Variants in PRKCH observed in about 807,000 individuals in gnomAD.
PRKCH encodes protein kinase C eta type.
A neutral mutation model predicts 82.5 loss-of-function variants in PRKCH; 28 were observed. The observed-to-expected ratio is 0.34, with a 90% CI of 0.25 to 0.47. The LOEUF is 0.47. Ranked by LOEUF, PRKCH falls within the 20% of genes least tolerant of loss-of-function variation. The pLI, the probability that PRKCH is intolerant of heterozygous loss-of-function variation, is 1.00. For missense variants in PRKCH, 705 were observed against 881.8 expected (o/e 0.80, Z 2.54); for synonymous variants, 322 against 327.4 (o/e 0.98, Z 0.18).
chr14:61,214,295 T>A (rs182692882), intron 1 of PRKCH, among the ~76,000 whole-genome samples: 1 of 151,250 alleles, frequency 6.6e-6, no homozygotes, highest in Non-Finnish European at 1.5e-5. Flanking sequence ...GGGGAGGGAG[T>A]GGGAGAGTAG....
At position 61,280,847 on chromosome 14, in the gene PRKCH, G is replaced by T. The variant is rs551001117; in HGVS notation, c.-19+93179G>T. ...TACACTGGGCCCTGGAAGAGCTCGG[G>T]CAGCGAGAAGTACCAGGCGCACGAG... is the stretch of plus-strand genomic sequence containing the variant. On this transcript the variant is annotated intron_variant, in intron 1 of 3. Transcript: ENST00000555185. This position sits in a 1 kb window ranked among gnomAD's most constrained non-coding sequence, Gnocchi z 5.0. 6.4e-7 allele frequency: 1 copy of T among 1,565,596 alleles called. No individual in the cohort carries two copies. Among genetic ancestry groups the T allele is most frequent in the East Asian group, 2.3e-5 (1 of 43,678 alleles).
intron 1 of PRKCH, among the ~76,000 whole-genome samples, chr14:61,352,832 A>G (rs180994316): frequency 6.6e-6 from 1 of 152,332 alleles, no homozygotes; most frequent in Admixed American, 6.5e-5. Context: ...TGATAATAGT[A>G]TCAGTATAGG....
chr14:61,324,630 T>TA (rs1000098383), intron 1 of PRKCH, among the ~76,000 whole-genome samples: 5 of 152,056 alleles, frequency 3.3e-5, no homozygotes, highest in East Asian at 1.9e-4. Context: ...AAAAATGCTT[T>TA]AAAAAAATAG....
chr14:61,334,577 T>C (rs1425090260), intron 1 of PRKCH, among the ~76,000 whole-genome samples: 1 of 152,096 alleles, frequency 6.6e-6, no homozygotes, highest in Non-Finnish European at 1.5e-5. Flanking sequence ...ACAAAGGCCC[T>C]ACCGTGAGAA....
chr14:61,498,249 A>G, intron 10 of PRKCH, among the ~76,000 whole-genome samples: 1 of 152,074 alleles, frequency 6.6e-6, no homozygotes, highest in Non-Finnish European at 1.5e-5. Context: ...CCTGACCTCA[A>G]GTGATCCCCT....
chr14:61,489,706 T>C lies in PRKCH; in HGVS notation c.1433+4050T>C, dbSNP rs145525349. 2.1e-3 allele frequency among the ~76,000 whole-genome samples: 320 copies of C among 152,350 alleles called. 2 individuals carry two copies. Among genetic ancestry groups the C allele is most frequent in the South Asian group, 4.3e-3 (21 of 4,828 alleles). On this transcript the variant is annotated intron_variant, in intron 10 of 13. Coordinates refer to ENST00000332981, the MANE Select transcript of PRKCH (RefSeq NM_006255.5). ...GACTATTCATTCTTTTGTCCTGGGC[T>C]TCTTGGCCGATTGGAAGGCCAGACA... is the stretch of plus-strand genomic sequence containing the variant.
intron 1 of PRKCH, among the ~76,000 whole-genome samples, chr14:61,309,845 T>C (rs2045507610): frequency 6.6e-6 from 1 of 152,162 alleles, no homozygotes; most frequent in South Asian, 2.1e-4. Flanking sequence ...GAAAAGATGT[T>C]TAATTGACTC....
At chr14:61,540,481 T>C (rs1048754865) in intron 12 of PRKCH, among the ~76,000 whole-genome samples, 1 of 152,240 alleles carries the variant, frequency 6.6e-6, no homozygotes, top group African/African-American at 2.4e-5. Flanking sequence ...ATCCTGACTG[T>C]AGCACTCCCA....
intron 3 of PRKCH, among the ~76,000 whole-genome samples, chr14:61,443,540 A>G (rs1884075841): frequency 6.6e-6 from 1 of 152,238 alleles, no homozygotes; most frequent in Non-Finnish European, 1.5e-5. Flanking sequence ...AATCAGAGAA[A>G]AAGGCTAATA....
chr14:61,457,199 A>G lies in PRKCH; in HGVS notation c.984A>G (p.Leu328=). The G allele has an allele frequency of 6.2e-7, 1 of 1,614,132 alleles. No homozygotes were observed. The highest frequency in any genetic ancestry group is 1.1e-5 in the South Asian group (1 of 91,078). Residue 328 remains leucine, a synonymous_variant, in exon 8 of 14, where the codon CTA becomes CTG. Coordinates refer to ENST00000332981, the MANE Select transcript of PRKCH (RefSeq NM_006255.5). The stretch of plus-strand genomic sequence containing the variant: ...AGAAACTCGTTTCCAGATCGACCCT[A>G]AGACGACAGGGAAAGGAGAGCAGCA... ...PTSKLVSRST[L]RRQGKESSKE... is the part of the protein sequence containing the mutation.
At position 61,457,651 on chromosome 14, in the gene PRKCH, C is replaced by A; in HGVS notation, c.1250C>A (p.Thr417Asn). 6.2e-7 allele frequency: 1 copy of A among 1,614,156 alleles called. No individual in the cohort carries two copies. The change falls in exon 9 of 14, where the codon ACT (threonine) becomes AAT (asparagine). Residue 417 changes from threonine to asparagine, a missense_variant. Physicochemically the swap from Thr to Asn is moderately conservative, Grantham distance 65 (BLOSUM62 0). Transcript: ENST00000332981. ...LSLARNHPFLTQLFCCFQTPD... is the reference protein window; with the variant it reads ...LSLARNHPFLNQLFCCFQTPD... ...CTGGCCCGCAATCACCCCTTCCTCA[C>A]TCAGTTGTTCTGCTGCTTTCAGACC... is the stretch of plus-strand genomic sequence containing the variant.
At chr14:61,258,154 A>G (rs760589545) in intron 1 of PRKCH, among the ~76,000 whole-genome samples, 19 of 152,234 alleles carry the variant, frequency 1.2e-4, no homozygotes, top group Non-Finnish European at 2.5e-4. Flanking sequence ...ATAGGTTAAA[A>G]TTAGAAATGT....
chr14:61,504,578 A>C (rs1181550728), intron 10 of PRKCH, among the ~76,000 whole-genome samples: 2 of 152,138 alleles, frequency 1.3e-5, no homozygotes, highest in Non-Finnish European at 2.9e-5. Context: ...AGATGGTAGA[A>C]CCAAACAAAA....
intron 1 of PRKCH, among the ~76,000 whole-genome samples, chr14:61,286,686 G>A (rs1566807609): frequency 6.6e-6 from 1 of 152,158 alleles, no homozygotes; most frequent in East Asian, 1.9e-4. Flanking sequence ...TGAGGCAGGA[G>A]AATCGCTTGA....
At chr14:61,231,834 G>T (rs1236801705) in intron 1 of PRKCH, among the ~76,000 whole-genome samples, 1 of 151,970 alleles carries the variant, frequency 6.6e-6, no homozygotes, top group Non-Finnish European at 1.5e-5. Context: ...TGATGATGTT[G>T]AAAAAAACAG....
intron 1 of PRKCH, chr14:61,298,683 C>T (rs1052862932): frequency 1.3e-5 from 2 of 152,054 alleles, no homozygotes; most frequent in Non-Finnish European, 2.9e-5. Flanking sequence ...TGTTTCAGTA[C>T]GTAGATATCT....
chr14:61,462,173 C>T lies in PRKCH; in HGVS notation c.1278+4494C>T, dbSNP rs1293395631. 2.6e-5 allele frequency among the ~76,000 whole-genome samples: 4 copies of T among 152,196 alleles called. 1 individual carries two copies. The highest frequency in any genetic ancestry group is 2.6e-4 in the Admixed American group (4 of 15,282). On this transcript the variant is annotated intron_variant, in intron 9 of 13. Transcript: ENST00000332981. The stretch of plus-strand genomic sequence containing the variant: ...TTGGGAGGCCGAGGTGGGGCAATCA[C>T]TTGAGCCTAAGTGTTTGAGACCAGC...
At chr14:61,376,456 A>G (rs537676415) in intron 1 of PRKCH, among the ~76,000 whole-genome samples, 1 of 152,142 alleles carries the variant, frequency 6.6e-6, no homozygotes, top group Admixed American at 6.5e-5. Flanking sequence ...TCTCCCTACA[A>G]ATCAGTATTT....
At chr14:61,235,649 A>T (rs1471007445) in intron 1 of PRKCH, among the ~76,000 whole-genome samples, 1 of 152,262 alleles carries the variant, frequency 6.6e-6, no homozygotes, top group Admixed American at 6.5e-5. Context: ...AAGAGATGCA[A>T]CCACTTTACA....
Sources: allele counts gnomAD v4.1 joint callset (sites outside exome capture counted in the v4.1 genomes callset), GRCh38; gene constraint gnomAD v4.1.1; non-coding constraint Gnocchi (gnomAD v3.1); transcripts MANE v1.5; gene names NCBI Gene and HGNC (gene_info 2026-07-23, HGNC 2026-07-21).